Variants in PLAGL1 observed in about 807,000 individuals in gnomAD.
The protein encoded by PLAGL1 is PLAG1 like zinc finger 1, also known as zinc finger protein PLAGL1.
Under a neutral mutation model 4.6 loss-of-function variants are expected in PLAGL1, and 1 was observed. The ratio of observed to expected loss-of-function variants is 0.22; its 90% CI spans 0.08 to 1.03. PLAGL1 has a LOEUF of 1.03. Among genes scored for constraint, PLAGL1 ranks in the 50% least tolerant of loss-of-function variants. PLAGL1 has a pLI of 0.58. For missense variants in PLAGL1, 464 were observed against 570.4 expected (o/e 0.81, Z 1.90); for synonymous variants, 240 against 237.8 (o/e 1.01, Z -0.08).
Position 143,991,436 on chromosome 6 carries a change from C to T in PLAGL1, c.-583-6262G>A, listed in dbSNP as rs564738425. Among the ~76,000 whole-genome samples, 5 of 152,278 alleles carry T rather than the reference C, an allele frequency of 3.3e-5. No individual in the cohort carries two copies. The South Asian group carries it at 1.0e-3, about 32-fold the overall frequency. Reference sequence around the variant, plus strand: ...TGATACTGAATTTTGGTGATTAGGGCATCTTCCCTCCCTAGTTCTACCATG... The same window carrying T: ...TGATACTGAATTTTGGTGATTAGGGTATCTTCCCTCCCTAGTTCTACCATG... On this transcript the variant is annotated intron_variant, in intron 1 of 7. Transcript: ENST00000674357.
At chr6:144,023,938 G>A (rs1198282257) in intron 1 of PLAGL1, among the ~76,000 whole-genome samples, 6 of 151,816 alleles carry the variant, frequency 4.0e-5, no homozygotes, top group Non-Finnish European at 7.4e-5. Context: ...AACCATGCCT[G>A]GCTAATTTTT....
intron 1 of PLAGL1, among the ~76,000 whole-genome samples, chr6:144,054,842 G>T (rs1452202308): frequency 2.0e-5 from 3 of 148,956 alleles, no homozygotes; most frequent in African/African-American, 7.4e-5. Context: ...AGGTGTACTA[G>T]AGCTATTTTC....
At position 143,995,217 on chromosome 6, in the gene PLAGL1, T is replaced by TA. The variant is rs1791362396; in HGVS notation, c.-583-10044dup. Among the ~76,000 whole-genome samples, 1 of 152,206 alleles carries TA rather than the reference T, an allele frequency of 6.6e-6. No homozygotes were observed. Among genetic ancestry groups the TA allele is most frequent in the Non-Finnish European group, 1.5e-5 (1 of 68,026 alleles). ...TGGTCAACACAGAAAATATTCACAA[T>TA]AAAGCAAGGTCCCTTTCAATTTATC... On this transcript the variant is annotated intron_variant, in intron 1 of 7. Transcript: ENST00000674357. The surrounding 1 kb of genome is among the most constrained non-coding windows in gnomAD (Gnocchi z 4.4).
In PLAGL1 at chr6:144,048,518, C is replaced by A. The variant is rs376585306; in HGVS notation, c.-151+15950G>T. On this transcript the variant is annotated intron_variant, in intron 1 of 3. Transcript: ENST00000437412. This position sits in a 1 kb window ranked among gnomAD's most constrained non-coding sequence, Gnocchi z 4.8. ...CAAACCTTGATTCTTGACTTCTGTG[C>A]ACCCTCAGACCCAACACTATATGGA... Among the ~76,000 whole-genome samples, 1 of 152,246 alleles carries A rather than the reference C, an allele frequency of 6.6e-6. No homozygotes were observed. The highest frequency in any genetic ancestry group is 1.5e-5 in the Non-Finnish European group (1 of 68,042).
rs546632399 is a variant in PLAGL1 at position 143,947,777 on chromosome 6, ATC to A, written c.152+206_152+207del. ...CTGGTATATTGTAGGTGCATAAAAA[ATC>A]TCTGTTGAAAGAATGAACTGACACT... On this transcript the variant is annotated intron_variant, in intron 7 of 7. Coordinates refer to ENST00000674357, the MANE Select transcript of PLAGL1 (RefSeq NM_001317162.2). This position sits in a 1 kb window ranked among gnomAD's most constrained non-coding sequence, Gnocchi z 4.3. Among the ~76,000 whole-genome samples, 809 of 152,312 alleles carry A rather than the reference ATC, an allele frequency of 5.3e-3. 6 individuals carry two copies. Among genetic ancestry groups the A allele is most frequent in the Non-Finnish European group, 8.8e-3 (602 of 68,028 alleles).
chr6:143,977,529 A>G (rs1303284083), intron 2 of PLAGL1, among the ~76,000 whole-genome samples: 1 of 121,266 alleles, frequency 8.2e-6, no homozygotes. Flanking sequence ...ACTGGGGTGC[A>G]GTAGGGCAAT....
At chr6:144,058,004 G>C (rs1340146138) in intron 1 of PLAGL1, among the ~76,000 whole-genome samples, 1 of 152,132 alleles carries the variant, frequency 6.6e-6, no homozygotes, top group Admixed American at 6.5e-5. Flanking sequence ...GCTAAAATTG[G>C]TGTCATTTCC....
chr6:143,991,677 C>T (rs1431685105), intron 1 of PLAGL1, among the ~76,000 whole-genome samples: 1 of 151,066 alleles, frequency 6.6e-6, no homozygotes, highest in Non-Finnish European at 1.5e-5. Context: ...GGGGAAGGTG[C>T]CCACCCAGGC....
rs137884979 is a variant in PLAGL1 at position 144,055,014 on chromosome 6, A to G, written c.-151+9454T>C. Among the ~76,000 whole-genome samples the G allele has an allele frequency of 2.6e-5, 4 of 152,270 alleles. No homozygotes were observed. The East Asian group carries it at 7.7e-4, about 29-fold the overall frequency. On this transcript the variant is annotated intron_variant, in intron 1 of 3. Transcript: ENST00000437412. This position sits in a 1 kb window ranked among gnomAD's most constrained non-coding sequence, Gnocchi z 5.0. ...ATTAAAACACGAGGAAAATGCATTA[A>G]CCCAGCACCTTTTCAACATGAATTG...
At chr6:144,054,475 A>G (rs1053260195) in intron 1 of PLAGL1, among the ~76,000 whole-genome samples, 1 of 152,244 alleles carries the variant, frequency 6.6e-6, no homozygotes, top group Non-Finnish European at 1.5e-5. Context: ...GGAAGCCATT[A>G]TCCTCAGCAA....
Position 143,949,917 on chromosome 6 carries a change from T to C in PLAGL1, c.-324-1457A>G, listed in dbSNP as rs937929100. Reference sequence around the variant, plus strand: ...ATGAGTCTAACTAGATGAAACTTTATTGTAATAACAGTTTAAACATGTTTA... The same window carrying C: ...ATGAGTCTAACTAGATGAAACTTTACTGTAATAACAGTTTAAACATGTTTA... On this transcript the variant is annotated intron_variant, in intron 6 of 7. Transcript: ENST00000674357. This position sits in a 1 kb window ranked among gnomAD's most constrained non-coding sequence, Gnocchi z 5.3. 6.6e-6 allele frequency among the ~76,000 whole-genome samples: 1 copy of C among 152,228 alleles called. No homozygotes were observed. The highest frequency in any genetic ancestry group is 1.5e-5 in the Non-Finnish European group (1 of 68,040).
chr6:143,998,440 G>A (rs750877656), intron 1 of PLAGL1, among the ~76,000 whole-genome samples: 3 of 152,192 alleles, frequency 2.0e-5, no homozygotes, highest in Non-Finnish European at 4.4e-5. Flanking sequence ...TGTTAGGAAA[G>A]TTTCCTAATC....
chr6:144,060,023 G>A (rs543310414), intron 1 of PLAGL1, among the ~76,000 whole-genome samples: 1 of 151,980 alleles, frequency 6.6e-6, no homozygotes, highest in South Asian at 2.1e-4. Context: ...AGAACCCTCT[G>A]ATCCCTTCCT....
In PLAGL1 at chr6:144,027,292, A is replaced by AAGGAAAGAAAGAAAGAAAGAAAAAGT. The variant is rs1796445000; in HGVS notation, c.-151+37175_-151+37176insACTTTTTCTTTCTTTCTTTCTTTCCT. Among the ~76,000 whole-genome samples, 5 of 142,484 alleles carry AAGGAAAGAAAGAAAGAAAGAAAAAGT rather than the reference A, an allele frequency of 3.5e-5. No individual in the cohort carries two copies. Among genetic ancestry groups the AAGGAAAGAAAGAAAGAAAGAAAAAGT allele is most frequent in the Non-Finnish European group, 7.7e-5 (5 of 65,016 alleles). 93.5% of individuals were successfully genotyped at this position (142,484 alleles called of 152,430 possible). On this transcript the variant is annotated intron_variant, in intron 1 of 3. Transcript: ENST00000437412. The surrounding 1 kb of genome is among the most constrained non-coding windows in gnomAD (Gnocchi z 5.8). ...GAAAGAAAGAAAGAAAGAAAGAAAG[A>AAGGAAAGAAAGAAAGAAAGAAAAAGT]AAGTTATTTGATCTGAAGTACAATG... is the stretch of plus-strand genomic sequence containing the variant.
chr6:144,043,799 T>A (rs2128719256), intron 1 of PLAGL1, among the ~76,000 whole-genome samples: 1 of 152,342 alleles, frequency 6.6e-6, no homozygotes, highest in South Asian at 2.1e-4. Context: ...TGTGAATCCG[T>A]CTGGTCCTGG....
chr6:144,050,986 C>T lies in PLAGL1; in HGVS notation c.-151+13482G>A, dbSNP rs1486402355. 1.3e-5 allele frequency among the ~76,000 whole-genome samples: 2 copies of T among 152,156 alleles called. No homozygotes were observed. On this transcript the variant is annotated intron_variant, in intron 1 of 3. Transcript: ENST00000437412. This position sits in a 1 kb window ranked among gnomAD's most constrained non-coding sequence, Gnocchi z 4.3. ...TCTTCAGGCAAAATCTGCTGACAAA[C>T]ATTTATAAATTAAATGTAAAAATAA...
chr6:144,062,470 CA>C (rs543521128), intron 1 of PLAGL1, among the ~76,000 whole-genome samples: 9,572 of 75,860 alleles, frequency 0.13, 212 homozygotes, highest in African/African-American at 0.18. Flanking sequence ...GTTATCAGAC[CA>C]AAAAAAAAAA....
intron 1 of PLAGL1, among the ~76,000 whole-genome samples, chr6:144,047,766 A>G (rs1333449939): frequency 6.6e-6 from 1 of 152,124 alleles, no homozygotes; most frequent in African/African-American, 2.4e-5. Context: ...ACAAATTCTA[A>G]CCATATCATT....
chr6:143,942,850 A>G lies in PLAGL1; in HGVS notation c.153-187T>C, dbSNP rs1444053818. Among the ~76,000 whole-genome samples, 2 of 152,104 alleles carry G rather than the reference A, an allele frequency of 1.3e-5. No individual in the cohort carries two copies. The highest frequency in any genetic ancestry group is 2.9e-5 in the Non-Finnish European group (2 of 68,020). On this transcript the variant is annotated intron_variant, in intron 7 of 7. Transcript: ENST00000674357. This position sits in a 1 kb window ranked among gnomAD's most constrained non-coding sequence, Gnocchi z 7.6. ...AAGAAAAGCAAGCAATACTAAAGCC[A>G]TAATACATTTTTCACACCTATAAAA...
Sources: gnomAD v4.1 joint callset for allele counts (sites outside exome capture counted in the v4.1 genomes callset) on GRCh38, gnomAD v4.1.1 for gene constraint, Gnocchi (gnomAD v3.1) non-coding constraint, MANE v1.5 for transcripts, NCBI Gene and HGNC (gene_info 2026-07-23, HGNC 2026-07-21) for gene names.